Variants in SNRPG observed in about 807,000 individuals in gnomAD.
The protein encoded by SNRPG is small nuclear ribonucleoprotein G.
Under a neutral mutation model 13.9 loss-of-function variants are expected in SNRPG, and 3 were observed. The observed-to-expected ratio is 0.22, with a 90% CI of 0.10 to 0.56. The LOEUF (loss-of-function observed/expected upper bound fraction) is 0.56, where lower values mean the gene tolerates loss of function less well. SNRPG is among the 20% of genes least tolerant of loss of function. The pLI is 0.93. For missense variants in SNRPG, 34 were observed against 96.1 expected, an observed-to-expected ratio of 0.35 and a Z score of 2.70; for synonymous variants, 29 against 29.3, an observed-to-expected ratio of 0.99 and a Z score of 0.03.
intron 1 of SNRPG, among the ~76,000 whole-genome samples, chr2:70,292,248 T>G (rs1042104007): frequency 6.6e-6 from 1 of 150,790 alleles, no homozygotes; most frequent in Non-Finnish European, 1.5e-5. Flanking sequence ...GTTGGGCTTA[T>G]GTTTTAATAA....
At chr2:70,293,400 G>C (rs1374871892) in intron 1 of SNRPG, 2 of 634,446 alleles carry the variant, frequency 3.2e-6, no homozygotes, top group Non-Finnish European at 5.7e-6. Context: ...CGGCCGGAAG[G>C]AGGTGCCGTG....
intron 1 of SNRPG, among the ~76,000 whole-genome samples, chr2:70,290,547 T>C (rs554353833): frequency 4.0e-5 from 6 of 151,686 alleles, no homozygotes; most frequent in Non-Finnish European, 8.8e-5. Flanking sequence ...TTTTAAAATA[T>C]AAAAAAATGA....
chr2:70,289,911 A>G (rs776376176), intron 1 of SNRPG, among the ~76,000 whole-genome samples: 2 of 152,192 alleles, frequency 1.3e-5, no homozygotes, highest in Non-Finnish European at 2.9e-5. Flanking sequence ...AAACATATTT[A>G]GACTATATTA....
intron 1 of SNRPG, among the ~76,000 whole-genome samples, chr2:70,292,241 G>A (rs572881047): frequency 1.2e-4 from 18 of 149,652 alleles, no homozygotes; most frequent in Non-Finnish European, 4.5e-5. Context: ...CCACCGCGTT[G>A]GGCTTATGTT....
chr2:70,293,117 G>A (rs561060904), intron 1 of SNRPG: 1 of 702,098 alleles, frequency 1.4e-6, no homozygotes, highest in Non-Finnish European at 2.6e-6. Flanking sequence ...GCAAGAAAAA[G>A]GAATGAGGTT....
intron 1 of SNRPG, among the ~76,000 whole-genome samples, chr2:70,291,970 C>G (rs990204625): frequency 6.8e-5 from 9 of 132,736 alleles, no homozygotes; most frequent in Non-Finnish European, 1.1e-4. Flanking sequence ...TTTTTTGAGA[C>G]GGAGTCTCGC....
intron 1 of SNRPG, among the ~76,000 whole-genome samples, chr2:70,291,014 A>ACACAC (rs1697077112): frequency 2.2e-5 from 3 of 133,672 alleles, no homozygotes; most frequent in African/African-American, 5.7e-5. Context: ...TCCATCTCAA[A>ACACAC]ACACACACAC....
chr2:70,293,738 G>A lies in SNRPG; in HGVS notation c.-89C>T. ...GCTGTAGGCCCGGCGTCTTGCGTCT[G>A]GCGTCATCGACCTCGTTAGCCAATG... On this transcript the variant is annotated 5_prime_UTR_variant, in exon 1 of 4. Transcript: ENST00000272348. 2.4e-6 allele frequency: 3 copies of A among 1,266,262 alleles called. No homozygotes were observed. In the South Asian group the frequency reaches 3.6e-5, roughly 15 times the overall value. The allele number at this position is 1,266,262 out of a possible 1,614,324, so 78.4% of individuals were successfully genotyped here.
chr2:70,292,438 C>T (rs1199332761), intron 1 of SNRPG, among the ~76,000 whole-genome samples: 1 of 152,186 alleles, frequency 6.6e-6, no homozygotes. Flanking sequence ...ACCTCCGCTT[C>T]CCGGGTTCAA....
In SNRPG at chr2:70,283,122, A is replaced by AAAAAAAAAAAAAAAAAAAAAAAAAAAAAC. The variant is rs1241967786; in HGVS notation, c.181-1439_181-1438insGTTTTTTTTTTTTTTTTTTTTTTTTTTTT. Among the ~76,000 whole-genome samples the AAAAAAAAAAAAAAAAAAAAAAAAAAAAAC allele has an allele frequency of 1.3e-4, 11 of 82,992 alleles. 1 individual carries two copies. Among genetic ancestry groups the AAAAAAAAAAAAAAAAAAAAAAAAAAAAAC allele is most frequent in the South Asian group, 5.0e-4 (1 of 2,006 alleles). 54.4% of individuals were successfully genotyped at this position (82,992 alleles called of 152,430 possible). On this transcript the variant is annotated intron_variant, in intron 3 of 3. Coordinates refer to ENST00000272348, the MANE Select transcript of SNRPG (RefSeq NM_003096.4). ...AAAAAAAAAAAAAAAAAAAAAAAAA[A>AAAAAAAAAAAAAAAAAAAAAAAAAAAAAC]AACAACAAACCAAAACCAAAACAAA...
rs868828232 is a variant in SNRPG at position 70,283,951 on chromosome 2, G to A, written c.181-2267C>T. Among the ~76,000 whole-genome samples, 29 of 152,230 alleles carry A rather than the reference G, an allele frequency of 1.9e-4. No homozygotes were observed. In the Middle Eastern group the frequency reaches 0.02, roughly 107 times the overall value. On this transcript the variant is annotated intron_variant, in intron 3 of 3. Coordinates refer to ENST00000272348, the MANE Select transcript of SNRPG (RefSeq NM_003096.4). ...TGCACACCTGTGGTTCCAGCTACTC[G>A]GGAGGCTGAGGTGGAAGGATCAACT...
intron 3 of SNRPG, chr2:70,287,379 A>ACCTTT: frequency 1.4e-6 from 1 of 696,484 alleles, no homozygotes; most frequent in Non-Finnish European, 2.6e-6. Context: ...GTCCTGTGTT[A>ACCTTT]GACAAAGAGG....
rs112185116 is a variant in SNRPG at position 70,288,832 on chromosome 2, C to T, written c.55+518G>A. 5.1e-3 allele frequency among the ~76,000 whole-genome samples: 770 copies of T among 151,442 alleles called. 8 individuals are homozygous for T. Among genetic ancestry groups the T allele is most frequent in the African/African-American group, 0.018 (728 of 41,424 alleles). ...TTTTGCCAAAGTGAGGAAGGGCTTA[C>T]ATAAGATAAAGTCTGAAGTGCTGTT... On this transcript the variant is annotated intron_variant, in intron 2 of 3. Transcript: ENST00000272348.
At chr2:70,287,933 A>T in intron 3 of SNRPG, 135 bp downstream of exon 3, 1 of 582,320 alleles carries the variant, frequency 1.7e-6, no homozygotes. Context: ...TAACTGCCGT[A>T]TGCAACTAAA....
intron 3 of SNRPG, among the ~76,000 whole-genome samples, chr2:70,284,766 C>T (rs1253631404): frequency 6.6e-6 from 1 of 152,126 alleles, no homozygotes; most frequent in East Asian, 1.9e-4. Flanking sequence ...GCAAGAAAAG[C>T]TAGCCTTCCT....
chr2:70,289,767 C>T (rs138302023), intron 1 of SNRPG, among the ~76,000 whole-genome samples: 3,391 of 152,048 alleles, frequency 0.022, 141 homozygotes, highest in African/African-American at 0.077. Flanking sequence ...GCCATGATTG[C>T]GCCACTGCAC....
intron 1 of SNRPG, among the ~76,000 whole-genome samples, chr2:70,290,109 C>G (rs1438193187): frequency 6.6e-6 from 1 of 150,882 alleles, no homozygotes; most frequent in South Asian, 2.1e-4. Context: ...CCCAAAGTGC[C>G]GCTGGGATTA....
At chr2:70,284,909 C>T (rs1000686899) in intron 3 of SNRPG, among the ~76,000 whole-genome samples, 4 of 152,152 alleles carry the variant, frequency 2.6e-5, no homozygotes, top group African/African-American at 4.8e-5. Context: ...AACAGACATC[C>T]GTAAGTTTTA....
In SNRPG at chr2:70,293,700, T is replaced by G. The variant is rs1218617499; in HGVS notation, c.-51A>C. On this transcript the variant is annotated 5_prime_UTR_variant, in exon 1 of 4. Transcript: ENST00000272348. ...TGCCTTGGAACGCAACGCACGGCTT[T>G]CCTCACGCTCCCGCTGTAGGCCCGG... 3.0e-5 allele frequency: 47 copies of G among 1,571,876 alleles called. No individual in the cohort carries two copies. The highest frequency in any genetic ancestry group is 3.9e-5 in the Non-Finnish European group (45 of 1,141,672).
Sources: gnomAD v4.1 joint callset for allele counts (sites outside exome capture counted in the v4.1 genomes callset) on GRCh38, gnomAD v4.1.1 for gene constraint, MANE v1.5 for transcripts, NCBI Gene and HGNC (gene_info 2026-07-23, HGNC 2026-07-21) for gene names.